TP53BP2: variants seen among roughly 807,000 people sequenced by gnomAD.
TP53BP2 encodes apoptosis-stimulating of p53 protein 2.
In TP53BP2, 62 loss-of-function variants were observed where a neutral mutation model predicts 126.2. That is an observed-to-expected ratio of 0.49 (90% CI 0.40 to 0.61). The LOEUF (loss-of-function observed/expected upper bound fraction) is 0.61, where lower values mean the gene tolerates loss of function less well. Among genes scored for constraint, TP53BP2 ranks in the 20% least tolerant of loss-of-function variants. The pLI is 0.00. For missense variants in TP53BP2, 1,215 were observed against 1,402.8 expected, an observed-to-expected ratio of 0.87 and a Z score of 2.14; for synonymous variants, 485 against 502.9, an observed-to-expected ratio of 0.96 and a Z score of 0.48.
At chr1:223,806,780 T>C (rs1393064313) in intron 5 of TP53BP2, 66 bp downstream of exon 5, 7 of 1,276,424 alleles carry the variant, frequency 5.5e-6, no homozygotes, top group South Asian at 2.5e-5. Context: ...GCCAAGATCG[T>C]GCCACTGCAC....
intron 3 of TP53BP2, among the ~76,000 whole-genome samples, chr1:223,811,191 T>G (rs1444704989): frequency 6.6e-6 from 1 of 152,200 alleles, no homozygotes; most frequent in African/African-American, 2.4e-5. Flanking sequence ...TACCACTTAA[T>G]GTATCATAAA....
At chr1:223,783,506 AC>A (rs1272939302) in intron 17 of TP53BP2, among the ~76,000 whole-genome samples, 1 of 152,174 alleles carries the variant, frequency 6.6e-6, no homozygotes, top group Admixed American at 6.5e-5. Flanking sequence ...CCCCTTGCAC[AC>A]ACACAACTGC....
At chr1:223,791,235 T>C (rs1662145183) in intron 15 of TP53BP2, among the ~76,000 whole-genome samples, 1 of 151,832 alleles carries the variant, frequency 6.6e-6, no homozygotes, top group African/African-American at 2.4e-5. Context: ...GAGACCAACC[T>C]GGGCAACACA....
At chr1:223,827,161 A>G (rs543472798) in intron 1 of TP53BP2, among the ~76,000 whole-genome samples, 120 of 152,320 alleles carry the variant, frequency 7.9e-4, no homozygotes, top group Non-Finnish European at 1.4e-3. Flanking sequence ...AGAGATGAGC[A>G]TGCAGAGGCA....
Position 223,802,309 on chromosome 1 carries a change from C to T in TP53BP2, c.1032G>A (p.Ala344=), listed in dbSNP as rs996996330. 20 of 1,614,022 alleles carry T rather than the reference C, an allele frequency of 1.2e-5. No individual in the cohort carries two copies. The highest frequency in any genetic ancestry group is 1.3e-5 in the African/African-American group (1 of 74,918). Residue 344 remains alanine, a synonymous_variant, in exon 9 of 18, where the codon GCG becomes GCA. Transcript: ENST00000343537. ...SSDGNLPQQA[A]SAPSRVAAVG... is the part of the protein sequence containing the mutation. ...CTGCAGCCACACGGCTTGGGGCTGA[C>T]GCGGCTTGCTGGGGAAGATTTCCAT...
At chr1:223,831,233 A>T (rs1358807152) in intron 1 of TP53BP2, among the ~76,000 whole-genome samples, 3 of 149,446 alleles carry the variant, frequency 2.0e-5, no homozygotes, top group African/African-American at 7.4e-5. Context: ...TATATTAAAA[A>T]AAAAAAAAAA....
chr1:223,832,952 T>C (rs1663791458), intron 1 of TP53BP2, among the ~76,000 whole-genome samples: 1 of 152,190 alleles, frequency 6.6e-6, no homozygotes, highest in Non-Finnish European at 1.5e-5. Context: ...CTGTGGAACC[T>C]TCCTCAGGAG....
In TP53BP2 at chr1:223,810,802, A is replaced by C. The variant is rs372417305; in HGVS notation, c.290-289T>G. 1.2e-4 allele frequency among the ~76,000 whole-genome samples: 19 copies of C among 152,330 alleles called. No homozygotes were observed. The South Asian group carries it at 3.7e-3, about 30-fold the overall frequency. ...CAAAGGAGGAAAAATTAACAAACGTAATGTACTTCTGACTATGAGTAATTC... is the reference window on the plus strand; with the variant it reads ...CAAAGGAGGAAAAATTAACAAACGTCATGTACTTCTGACTATGAGTAATTC... On this transcript the variant is annotated intron_variant, in intron 3 of 17. Transcript: ENST00000343537.
At chr1:223,841,581 T>A (rs1664103809) in intron 1 of TP53BP2, among the ~76,000 whole-genome samples, 1 of 152,252 alleles carries the variant, frequency 6.6e-6, no homozygotes, top group Admixed American at 6.5e-5. Flanking sequence ...TGCAAATCTG[T>A]GCAAATAAAA....
chr1:223,837,161 G>GA (rs1203537668), intron 1 of TP53BP2, among the ~76,000 whole-genome samples: 1 of 136,134 alleles, frequency 7.3e-6, no homozygotes, highest in African/African-American at 2.7e-5. Context: ...AAAAAGGGGG[G>GA]GGGCGGGGGG....
At position 223,802,920 on chromosome 1, in the gene TP53BP2, G is replaced by T. The variant is rs758489822; in HGVS notation, c.832-25C>A. Reference sequence around the variant, plus strand: ...GCTGAATAAAAGAGAGGGGAAAAAAGGTAGCCAAGGAGTAGGAAGAAAATG... The same window carrying T: ...GCTGAATAAAAGAGAGGGGAAAAAATGTAGCCAAGGAGTAGGAAGAAAATG... On this transcript the variant is annotated intron_variant, in intron 7 of 17. Transcript: ENST00000343537. The T allele has an allele frequency of 6.2e-6, 10 of 1,612,768 alleles. No individual in the cohort carries two copies. In the South Asian group the frequency reaches 8.8e-5, roughly 14 times the overall value.
intron 8 of TP53BP2, 178 bp downstream of exon 8, chr1:223,802,553 A>T: frequency 1.1e-6 from 1 of 877,576 alleles, no homozygotes; most frequent in South Asian, 1.7e-5. Context: ...AGAGCTACAC[A>T]GGTAATAACA....
intron 2 of TP53BP2, among the ~76,000 whole-genome samples, chr1:223,816,465 C>T (rs565189342): frequency 1.3e-5 from 2 of 151,012 alleles, no homozygotes; most frequent in South Asian, 4.2e-4. Context: ...TAAATGCCTA[C>T]AAATCAAGAG....
Position 223,802,348 on chromosome 1 carries a change from AGG to A in TP53BP2, c.997-6_997-5del. On this transcript the variant is annotated splice_region_variant and splice_polypyrimidine_tract_variant and intron_variant, in intron 8 of 17. Coordinates refer to ENST00000343537, the MANE Select transcript of TP53BP2 (RefSeq NM_001031685.3). ...GAAGATTTCCATCAGATGAAACCTT[AGG>A]AAAGAAGCACAGGTCCTTTAGTATT... 6.2e-7 allele frequency: 1 copy of A among 1,613,382 alleles called. No individual in the cohort carries two copies. Among genetic ancestry groups the A allele is most frequent in the South Asian group, 1.1e-5 (1 of 90,988 alleles).
At chr1:223,808,149 G>A (rs969035138) in intron 4 of TP53BP2, among the ~76,000 whole-genome samples, 2 of 152,130 alleles carry the variant, frequency 1.3e-5, no homozygotes, top group Admixed American at 1.3e-4. Flanking sequence ...TTTAGACAAA[G>A]GTGCAAAAGC....
At chr1:223,834,293 C>A (rs1279887280) in intron 1 of TP53BP2, among the ~76,000 whole-genome samples, 1 of 152,178 alleles carries the variant, frequency 6.6e-6, no homozygotes, top group Admixed American at 6.5e-5. Flanking sequence ...AAGTTCCAGG[C>A]CCTGCTCCAC....
chr1:223,840,159 G>A (rs931573493), intron 1 of TP53BP2, among the ~76,000 whole-genome samples: 21 of 152,042 alleles, frequency 1.4e-4, no homozygotes, highest in Admixed American at 8.5e-4. Context: ...TTAGTAAGAC[G>A]GTATGCAAAG....
chr1:223,804,082 A>G (rs1662629424), intron 6 of TP53BP2, 92 bp downstream of exon 6: 1 of 1,413,692 alleles, frequency 7.1e-7, no homozygotes, highest in Non-Finnish European at 9.6e-7. Context: ...CCACGGTTCA[A>G]AAGACCAGCC....
At chr1:223,816,231 T>A (rs72749554) in intron 2 of TP53BP2, among the ~76,000 whole-genome samples, 6,815 of 152,262 alleles carry the variant, frequency 0.045, 233 homozygotes, top group Middle Eastern at 0.068. Context: ...TCTGTATCCC[T>A]CTCAATCAAG....
Sources: allele counts gnomAD v4.1 joint callset (sites outside exome capture counted in the v4.1 genomes callset), GRCh38; gene constraint gnomAD v4.1.1; transcripts MANE v1.5; gene names NCBI Gene and HGNC (gene_info 2026-07-23, HGNC 2026-07-21).